The following FAM227B variants were observed in gnomAD, a reference collection of about 807,000 sequenced individuals.
FAM227B encodes the protein family with sequence similarity 227 member B.
FAM227B carries 88 observed loss-of-function variants against 73.8 expected under a neutral mutation model. The ratio of observed to expected loss-of-function variants is 1.19; its 90% CI spans 1.00 to 1.42. FAM227B has a LOEUF of 1.42. Among genes scored for constraint, FAM227B ranks in the 40% most tolerant of loss-of-function variants. The pLI is 0.00. For synonymous variants in FAM227B, 210 were observed against 190.5 expected (o/e 1.10, Z -0.84); for missense variants, 632 against 590.9 (o/e 1.07, Z -0.72).
chr15:49,518,065 T>C (rs2059504948), intron 10 of FAM227B, among the ~76,000 whole-genome samples: 1 of 152,202 alleles, frequency 6.6e-6, no homozygotes, highest in Non-Finnish European at 1.5e-5. Context: ...GTTTCTGTCT[T>C]GATGATTATA....
chr15:49,346,927 T>G (rs2041592829), intron 13 of FAM227B, among the ~76,000 whole-genome samples: 2 of 152,218 alleles, frequency 1.3e-5, no homozygotes, highest in Admixed American at 1.3e-4. Context: ...ATAAGTAAAA[T>G]ATTTTAATGT....
intron 14 of FAM227B, among the ~76,000 whole-genome samples, chr15:49,332,304 G>A (rs1349901301): frequency 6.6e-6 from 1 of 152,214 alleles, no homozygotes; most frequent in East Asian, 1.9e-4. Flanking sequence ...TTTAAGGAGT[G>A]ACAGTGGGGA....
At chr15:49,334,627 G>A (rs2039383849) in intron 14 of FAM227B, among the ~76,000 whole-genome samples, 1 of 152,164 alleles carries the variant, frequency 6.6e-6, no homozygotes, top group Non-Finnish European at 1.5e-5. Context: ...GCGTCTGTGG[G>A]TGGGTGGGCA....
At chr15:49,344,785 G>A (rs774222035) in intron 13 of FAM227B, among the ~76,000 whole-genome samples, 1 of 152,090 alleles carries the variant, frequency 6.6e-6, no homozygotes, top group Non-Finnish European at 1.5e-5. Context: ...TCAAATAAAA[G>A]GTTCAGCAAT....
chr15:49,552,724 ATTCT>A lies in FAM227B; in HGVS notation c.748-10922_748-10919del, dbSNP rs1278354030. Among the ~76,000 whole-genome samples, 3 of 151,990 alleles carry A rather than the reference ATTCT, an allele frequency of 2.0e-5. No homozygotes were observed. The East Asian group carries it at 5.8e-4, about 30-fold the overall frequency. On this transcript the variant is annotated intron_variant, in intron 9 of 15. Transcript: ENST00000299338. ...AAATAGCCTATCTTCAAGCTCACTAATTCTTTCTTCTGCTTGATCCATTCTGCTA... is the reference window on the plus strand; with the variant it reads ...AAATAGCCTATCTTCAAGCTCACTAATTCTTCTGCTTGATCCATTCTGCTA...
At chr15:49,357,493 A>T (rs973857172) in intron 13 of FAM227B, among the ~76,000 whole-genome samples, 2 of 152,184 alleles carry the variant, frequency 1.3e-5, no homozygotes, top group Non-Finnish European at 2.9e-5. Context: ...AGAAGAAATA[A>T]TGGATAAATT....
intron 10 of FAM227B, among the ~76,000 whole-genome samples, chr15:49,526,758 T>C (rs151069809): frequency 2.0e-5 from 3 of 152,062 alleles, no homozygotes; most frequent in South Asian, 4.1e-4. Flanking sequence ...TCAGAGACTA[T>C]TTTGAACATC....
chr15:49,512,378 A>G (rs1439442927), intron 10 of FAM227B, among the ~76,000 whole-genome samples: 1 of 152,060 alleles, frequency 6.6e-6, no homozygotes, highest in Non-Finnish European at 1.5e-5. Context: ...TAAATCGTTT[A>G]TACCTGTCCT....
chr15:49,473,642 A>T (rs1322635555), intron 11 of FAM227B, among the ~76,000 whole-genome samples: 1 of 152,168 alleles, frequency 6.6e-6, no homozygotes, highest in African/African-American at 2.4e-5. Flanking sequence ...TTTATGGAGC[A>T]CTATTTACAA....
intron 9 of FAM227B, among the ~76,000 whole-genome samples, chr15:49,543,832 T>C (rs183747625): frequency 4.6e-5 from 7 of 152,172 alleles, no homozygotes; most frequent in African/African-American, 1.7e-4. Flanking sequence ...TATTTCAGTG[T>C]TTTCTATGCT....
At chr15:49,584,074 A>C (rs1444449013) in intron 5 of FAM227B, among the ~76,000 whole-genome samples, 1 of 152,176 alleles carries the variant, frequency 6.6e-6, no homozygotes, top group Non-Finnish European at 1.5e-5. Context: ...AGAGAACTAC[A>C]GGCCAATACT....
intron 11 of FAM227B, among the ~76,000 whole-genome samples, chr15:49,461,934 C>G (rs909832925): frequency 2.0e-5 from 3 of 152,176 alleles, no homozygotes; most frequent in Admixed American, 1.3e-4. Flanking sequence ...CTTTGGGAGG[C>G]CGAAGCAGGC....
chr15:49,485,903 TTTTCCTG>T (rs1351802009), intron 11 of FAM227B: 1 of 152,054 alleles, frequency 6.6e-6, no homozygotes, highest in African/African-American at 2.4e-5. Flanking sequence ...CTGAAAGTTG[TTTTCCTG>T]TTAGATGGCA....
chr15:49,425,411 T>C (rs1597105816), intron 11 of FAM227B: 1 of 152,028 alleles, frequency 6.6e-6, no homozygotes, highest in South Asian at 2.1e-4. Flanking sequence ...CCAACTTCAA[T>C]AGTATTAAAT....
intron 12 of FAM227B, 166 bp from the exon 13 acceptor site, chr15:49,367,774 G>A: frequency 1.8e-6 from 1 of 545,364 alleles, no homozygotes; most frequent in Non-Finnish European, 2.9e-6. Flanking sequence ...CAAAGTATGA[G>A]TCTATAAGTA....
chr15:49,446,684 T>C (rs2052251576), intron 11 of FAM227B, among the ~76,000 whole-genome samples: 1 of 151,510 alleles, frequency 6.6e-6, no homozygotes, highest in Non-Finnish European at 1.5e-5. Context: ...CCTGTCTAGC[T>C]GGAGAATATG....
At chr15:49,550,915 G>A (rs910160645) in intron 9 of FAM227B, among the ~76,000 whole-genome samples, 7 of 152,182 alleles carry the variant, frequency 4.6e-5, no homozygotes, top group Non-Finnish European at 8.8e-5. Context: ...CGGCACTTTG[G>A]GAGGCCAAGG....
chr15:49,521,171 T>C (rs938270831), intron 10 of FAM227B, among the ~76,000 whole-genome samples: 4 of 152,142 alleles, frequency 2.6e-5, no homozygotes, highest in African/African-American at 9.7e-5. Context: ...ATCTTAGCCC[T>C]GTGTTGTTGC....
chr15:49,438,292 C>G (rs1452986296), intron 11 of FAM227B, among the ~76,000 whole-genome samples: 1 of 151,706 alleles, frequency 6.6e-6, no homozygotes, highest in East Asian at 1.9e-4. Context: ...TAGTTAATAT[C>G]AATTAATAAC....
Sources: gnomAD v4.1 joint callset for allele counts (sites outside exome capture counted in the v4.1 genomes callset) on GRCh38, gnomAD v4.1.1 for gene constraint, MANE v1.5 for transcripts, NCBI Gene and HGNC (gene_info 2026-07-23, HGNC 2026-07-21) for gene names.